CDC25A: variants seen among roughly 807,000 people sequenced by gnomAD.
CDC25A encodes M-phase inducer phosphatase 1.
CDC25A carries 17 observed loss-of-function variants against 64.6 expected under a neutral mutation model. The observed-to-expected ratio is 0.26, with a 90% confidence interval of 0.18 to 0.39. The LOEUF is 0.39. CDC25A is among the 10% of genes least tolerant of loss of function. CDC25A has a pLI of 1.00. For synonymous variants in CDC25A, 229 were observed against 238.6 expected (o/e 0.96, Z 0.37); for missense variants, 473 against 654.8 (o/e 0.72, Z 3.03).
In CDC25A at chr3:48,184,690, A is replaced by G; in HGVS notation, c.253T>C (p.Cys85Arg). The change falls in exon 3 of 15, where the codon TGT becomes CGT. Residue 85 changes from cysteine (C) to arginine (R), a missense_variant. Coordinates refer to ENST00000302506, the MANE Select transcript of CDC25A (RefSeq NM_001789.3). ...GSSESTDSGF[C>R]LDSPGPLDSK... The stretch of plus-strand genomic sequence containing the variant: ...TCCAATGGCCCAGGAGAATCTAGAC[A>G]GAAACCTATGGGGAAAAAAAAAACC... 1.3e-6 allele frequency: 2 copies of G among 1,587,802 alleles called. No homozygotes were observed. The highest frequency in any genetic ancestry group is 1.7e-6 in the Non-Finnish European group (2 of 1,170,590).
chr3:48,173,778 A>G (rs1040930097), intron 9 of CDC25A, among the ~76,000 whole-genome samples: 1 of 152,160 alleles, frequency 6.6e-6, no homozygotes, highest in Non-Finnish European at 1.5e-5. Flanking sequence ...ATTTACATAG[A>G]CCGGAGACTC....
At chr3:48,159,262 A>G (rs2031648800) in intron 14 of CDC25A, 82 bp downstream of exon 14, 5 of 1,308,582 alleles carry the variant, frequency 3.8e-6, no homozygotes, top group South Asian at 1.3e-5. Flanking sequence ...CCCTGGAAAG[A>G]AAGTCATGAC....
intron 5 of CDC25A, 86 bp from the exon 6 acceptor site, chr3:48,180,926 G>A: frequency 2.3e-6 from 3 of 1,305,470 alleles, no homozygotes; most frequent in Non-Finnish European, 3.2e-6. Context: ...AGTGGGCACT[G>A]ATCACCTTTC....
At chr3:48,169,758 A>G (rs2106714566) in intron 9 of CDC25A, among the ~76,000 whole-genome samples, 1 of 152,350 alleles carries the variant, frequency 6.6e-6, no homozygotes, top group East Asian at 1.9e-4. Flanking sequence ...CTGTAATCCC[A>G]GCACTTTGGG....
chr3:48,168,834 G>A (rs2032159177), intron 9 of CDC25A, among the ~76,000 whole-genome samples: 1 of 151,896 alleles, frequency 6.6e-6, no homozygotes, highest in Non-Finnish European at 1.5e-5. Context: ...TGTATTTTTA[G>A]TAGAGACGGG....
intron 3 of CDC25A, among the ~76,000 whole-genome samples, chr3:48,184,364 C>G (rs1310920504): frequency 6.6e-6 from 1 of 151,912 alleles, no homozygotes. Flanking sequence ...AACAAACAAA[C>G]AAACAAACAA....
intron 13 of CDC25A, among the ~76,000 whole-genome samples, chr3:48,162,761 T>C (rs1402379401): frequency 1.3e-5 from 2 of 151,044 alleles, no homozygotes; most frequent in Non-Finnish European, 2.9e-5. Flanking sequence ...GGCAGGAGAA[T>C]GGCATGAACC....
At chr3:48,164,226 A>C (rs2031908722) in intron 13 of CDC25A, 81 bp downstream of exon 13, 1 of 1,339,180 alleles carries the variant, frequency 7.5e-7, no homozygotes, top group Non-Finnish European at 1.0e-6. Flanking sequence ...AATATGCTCC[A>C]AGTGCAAGCC....
Position 48,187,840 on chromosome 3 carries a change from G to A in CDC25A, c.108C>T (p.Ala36=), listed in dbSNP as rs1260669647. The change falls in exon 1 of 15, where the codon GCC becomes GCT. Residue 36 remains alanine (A), a synonymous_variant. Transcript: ENST00000302506. The part of the protein sequence containing the change: ...VVKALFGASA[A]GGLSPVTNLT... The stretch of plus-strand genomic sequence containing the variant: ...GGTTGGTGACAGGCGACAGTCCCCC[G>A]GCGGCTGAAGCGCCAAATAGCGCCT... 1 of 1,549,188 alleles carries A rather than the reference G, an allele frequency of 6.5e-7. No homozygotes were observed. The highest frequency in any genetic ancestry group is 1.2e-5 in the South Asian group (1 of 83,996).
intron 3 of CDC25A, among the ~76,000 whole-genome samples, chr3:48,184,336 G>A (rs529086876): frequency 6.6e-6 from 1 of 152,260 alleles, no homozygotes; most frequent in Admixed American, 6.5e-5. Context: ...GGGCGGCAGA[G>A]TGAGACTCTG....
chr3:48,169,402 A>G (rs186611156), intron 9 of CDC25A, among the ~76,000 whole-genome samples: 137 of 152,362 alleles, frequency 9.0e-4, no homozygotes, highest in Non-Finnish European at 1.8e-3. Context: ...TTGCCAAACA[A>G]ATAGAACTGG....
At chr3:48,172,808 G>A (rs1487429027) in intron 9 of CDC25A, among the ~76,000 whole-genome samples, 1 of 152,234 alleles carries the variant, frequency 6.6e-6, no homozygotes, top group Non-Finnish European at 1.5e-5. Context: ...AGAGTGCAGT[G>A]AGCGGAGATC....
chr3:48,167,562 A>T (rs1474304316), intron 10 of CDC25A, among the ~76,000 whole-genome samples: 1 of 152,212 alleles, frequency 6.6e-6, no homozygotes, highest in Non-Finnish European at 1.5e-5. Flanking sequence ...TTTTATAATA[A>T]CACAGTTCCC....
intron 12 of CDC25A, 24 bp from the exon 13 acceptor site, chr3:48,164,461 G>A (rs1575260145): frequency 1.3e-6 from 2 of 1,498,724 alleles, no homozygotes; most frequent in East Asian, 2.5e-5. Context: ...AGAGACCCTT[G>A]GAACCTGCAC....
chr3:48,170,506 G>A (rs1175140124), intron 9 of CDC25A, among the ~76,000 whole-genome samples: 1 of 152,178 alleles, frequency 6.6e-6, no homozygotes, highest in Non-Finnish European at 1.5e-5. Flanking sequence ...ATGGGAGAAG[G>A]GACATGGAGC....
Position 48,177,963 on chromosome 3 carries a change from C to T in CDC25A, c.575G>A (p.Ser192Asn), listed in dbSNP as rs1289950255. 3 of 1,611,608 alleles carry T rather than the reference C, an allele frequency of 1.9e-6. No homozygotes were observed. Among genetic ancestry groups the T allele is most frequent in the Admixed American group, 3.4e-5 (2 of 59,562 alleles). The change falls in exon 7 of 15, where the codon AGT (serine) becomes AAT (asparagine). Residue 192 changes from serine (S) to asparagine (N), a missense_variant. Coordinates refer to ENST00000302506, the MANE Select transcript of CDC25A (RefSeq NM_001789.3). ...RMLSSNERDS[S>N]EPGNFIPLFT... Reference sequence around the variant, plus strand: ...AAGAGGAATGAAATTCCCTGGTTCACTGCTATCTCTTTCATTTGAGGAAAG... The same window carrying T: ...AAGAGGAATGAAATTCCCTGGTTCATTGCTATCTCTTTCATTTGAGGAAAG...
chr3:48,171,100 A>T (rs891397813), intron 9 of CDC25A, among the ~76,000 whole-genome samples: 2 of 152,058 alleles, frequency 1.3e-5, no homozygotes, highest in African/African-American at 2.4e-5. Flanking sequence ...GGCCGGGCAC[A>T]GTGGCTCACA....
chr3:48,177,899 A>G lies in CDC25A; in HGVS notation c.639T>C (p.Asp213=), dbSNP rs1325291816. The part of the protein sequence containing the change: ...PQSPVTATLS[D]EDDGFVDLLD... ...GAAGGTCCACGAAGCCATCATCCTC[A>G]TCAGACAAAGTGGCTGTCACAGGTG... The change falls in exon 7 of 15, where the codon GAT becomes GAC. Residue 213 remains aspartate (D), a synonymous_variant. Transcript: ENST00000302506. The G allele has an allele frequency of 1.2e-6, 2 of 1,613,004 alleles. No homozygotes were observed. Among genetic ancestry groups the G allele is most frequent in the Admixed American group, 3.3e-5 (2 of 60,000 alleles).
intron 2 of CDC25A, among the ~76,000 whole-genome samples, chr3:48,185,622 T>C (rs548674360): frequency 7.2e-4 from 109 of 152,110 alleles, no homozygotes; most frequent in Middle Eastern, 3.4e-3. Flanking sequence ...TGAGACCTTG[T>C]CTCAAAATGA....
Sources: allele counts gnomAD v4.1 joint callset (sites outside exome capture counted in the v4.1 genomes callset), GRCh38; gene constraint gnomAD v4.1.1; transcripts MANE v1.5; gene names NCBI Gene and HGNC (gene_info 2026-07-23, HGNC 2026-07-21).